Variants in CTBS observed in about 807,000 individuals in gnomAD.
The protein encoded by CTBS is di-N-acetylchitobiase.
A neutral mutation model predicts 44.3 loss-of-function variants in CTBS; 35 were observed. The ratio of observed to expected loss-of-function variants is 0.79; its 90% CI spans 0.60 to 1.05. The LOEUF (loss-of-function observed/expected upper bound fraction) is 1.05. Ranked by LOEUF, CTBS falls within the 50% of genes least tolerant of loss-of-function variation. The pLI is 0.00. For missense variants in CTBS, 458 were observed against 475.3 expected (o/e 0.96, Z 0.34); for synonymous variants, 143 against 168.0 (o/e 0.85, Z 1.15).
At position 84,550,479 on chromosome 1, in the gene CTBS, G is replaced by A; in HGVS notation, c.*4520C>T. ...CTGAGGTACAGCATGCAATTGACCAGCTTAAGAGAAAACTAGATACTGACA... is the reference window on the plus strand; with the variant it reads ...CTGAGGTACAGCATGCAATTGACCAACTTAAGAGAAAACTAGATACTGACA... On this transcript the variant is annotated 3_prime_UTR_variant, in exon 7 of 7. Transcript: ENST00000370630. 6.4e-7 allele frequency: 1 copy of A among 1,569,592 alleles called. No homozygotes were observed. The highest frequency in any genetic ancestry group is 1.4e-5 in the African/African-American group (1 of 73,196).
At chr1:84,570,440 A>G (rs779169345) in intron 2 of CTBS, 142 bp downstream of exon 2, 5 of 736,852 alleles carry the variant, frequency 6.8e-6, no homozygotes, top group African/African-American at 1.8e-5. Flanking sequence ...TGTGAAATGA[A>G]TTACACAGTA....
At chr1:84,568,682 G>A (rs538256060) in intron 3 of CTBS, among the ~76,000 whole-genome samples, 1 of 152,120 alleles carries the variant, frequency 6.6e-6, no homozygotes, top group Non-Finnish European at 1.5e-5. Flanking sequence ...CCCAATGTTG[G>A]AGGTAGGGCC....
At chr1:84,558,015 T>A (rs1258568811) in intron 6 of CTBS, among the ~76,000 whole-genome samples, 1 of 152,114 alleles carries the variant, frequency 6.6e-6, no homozygotes, top group African/African-American at 2.4e-5. Flanking sequence ...TACCAGAGGC[T>A]GGGGGTGGGA....
Position 84,574,436 on chromosome 1 carries a change from G to T in CTBS, c.-21C>A. 1 of 1,506,576 alleles carries T rather than the reference G, an allele frequency of 6.6e-7. No individual in the cohort carries two copies. Among genetic ancestry groups the T allele is most frequent in the South Asian group, 1.3e-5 (1 of 77,774 alleles). 93.3% of individuals were successfully genotyped at this position (1,506,576 alleles called of 1,614,324 possible). A position where few individuals can be genotyped will look rare whatever the true frequency, so the allele number is the denominator to read the frequency against. The stretch of plus-strand genomic sequence containing the variant: ...GACATAGCAGCAGGTCTAGCGGGCC[G>T]GAGTGGGTTCCTACCGCCTGGGTGG... On this transcript the variant is annotated 5_prime_UTR_variant, in exon 1 of 7. Transcript: ENST00000370630.
rs1235591598 is a variant in CTBS at position 84,550,183 on chromosome 1, A to T, written c.*4816T>A. ...TAATAACTAAGATATTATTCCTTTC[A>T]TAGTAATAGTTGTTGGTTTTTACGA... On this transcript the variant is annotated 3_prime_UTR_variant, in exon 7 of 7. Transcript: ENST00000370630. 3.9e-6 allele frequency: 1 copy of T among 259,158 alleles called. No homozygotes were observed. The highest frequency in any genetic ancestry group is 6.5e-5 in the East Asian group (1 of 15,290). 16.1% of individuals were successfully genotyped at this position (259,158 alleles called of 1,614,324 possible). A position where few individuals can be genotyped will look rare whatever the true frequency, so the allele number is the denominator to read the frequency against.
chr1:84,565,980 G>A lies in CTBS; in HGVS notation c.558C>T (p.Asn186=). The change falls in exon 4 of 7, where the codon AAC becomes AAT. Residue 186 remains asparagine (N), a synonymous_variant. Coordinates refer to ENST00000370630, the MANE Select transcript of CTBS (RefSeq NM_004388.3). ...VTFDVAWSPK[N]IDRRCYNYTG... Reference sequence around the variant, plus strand: ...TATAATTATAGCATCTTCTGTCTATGTTCTTTGGAGACCAAGCTACATCAA... The same window carrying A: ...TATAATTATAGCATCTTCTGTCTATATTCTTTGGAGACCAAGCTACATCAA... 1 of 1,572,932 alleles carries A rather than the reference G, an allele frequency of 6.4e-7. No homozygotes were observed. Among genetic ancestry groups the A allele is most frequent in the Middle Eastern group, 1.7e-4 (1 of 5,948 alleles).
At chr1:84,558,972 C>T (rs566585290) in intron 6 of CTBS, among the ~76,000 whole-genome samples, 1 of 152,212 alleles carries the variant, frequency 6.6e-6, no homozygotes, top group African/African-American at 2.4e-5. Flanking sequence ...TTACTAAGGT[C>T]AGGATTACAA....
chr1:84,574,157 C>T, intron 1 of CTBS, 82 bp downstream of exon 1: 1 of 1,545,734 alleles, frequency 6.5e-7, no homozygotes, highest in Non-Finnish European at 8.7e-7. Flanking sequence ...GCCCACGGCA[C>T]CTCTCCTTAG....
intron 4 of CTBS, among the ~76,000 whole-genome samples, chr1:84,564,378 CA>C (rs1684650222): frequency 6.6e-6 from 1 of 152,118 alleles, no homozygotes; most frequent in African/African-American, 2.4e-5. Flanking sequence ...CCCAATGCTG[CA>C]AAACATGTTT....
chr1:84,563,697 T>C, intron 5 of CTBS, 38 bp downstream of exon 5: 1 of 1,239,750 alleles, frequency 8.1e-7, no homozygotes, highest in Non-Finnish European at 1.1e-6. Flanking sequence ...AAAAATATAA[T>C]AGATAATAAA....
At position 84,563,663 on chromosome 1, in the gene CTBS, T is replaced by C. The variant is rs1684635635; in HGVS notation, c.795+72A>G. On this transcript the variant is annotated intron_variant, in intron 5 of 6. Transcript: ENST00000370630. The stretch of plus-strand genomic sequence containing the variant: ...TCAGAGATTCTAAAGTTTATATATT[T>C]CTAATGAAAACAGAGAGACTCTAAA... The C allele has an allele frequency of 4.3e-6, 4 of 922,158 alleles. No homozygotes were observed. The South Asian group carries it at 8.6e-5, about 20-fold the overall frequency. 57.1% of individuals were successfully genotyped at this position (922,158 alleles called of 1,614,324 possible).
At position 84,554,148 on chromosome 1, in the gene CTBS, T is replaced by C. The variant is rs993993507; in HGVS notation, c.*851A>G. 4 of 152,052 alleles carry C rather than the reference T, an allele frequency of 2.6e-5. No homozygotes were observed. Among genetic ancestry groups the C allele is most frequent in the Non-Finnish European group, 4.4e-5 (3 of 68,016 alleles). 9.4% of individuals were successfully genotyped at this position (152,052 alleles called of 1,614,324 possible). On this transcript the variant is annotated 3_prime_UTR_variant, in exon 7 of 7. Coordinates refer to ENST00000370630, the MANE Select transcript of CTBS (RefSeq NM_004388.3). ...AAATAAAAAAGATACATTGCAGATG[T>C]AGAAAGAAAAATTTAACCATGTAAG...
intron 6 of CTBS, 62 bp downstream of exon 6, chr1:84,563,195 A>G: frequency 8.8e-7 from 1 of 1,140,942 alleles, no homozygotes; most frequent in African/African-American, 1.6e-5. Flanking sequence ...TCAAACATCT[A>G]ATTATGAAAA....
At chr1:84,558,023 G>A (rs930378990) in intron 6 of CTBS, among the ~76,000 whole-genome samples, 2 of 151,956 alleles carry the variant, frequency 1.3e-5, no homozygotes, top group Non-Finnish European at 2.9e-5. Context: ...GCTGGGGGTG[G>A]GAAGAATAGA....
At position 84,570,593 on chromosome 1, in the gene CTBS, A is replaced by T; in HGVS notation, c.305T>A (p.Val102Glu). The change falls in exon 2 of 7, where the codon GTA (valine) becomes GAA (glutamate). Residue 102 changes from valine to glutamate, a missense_variant. Transcript: ENST00000370630. Reference protein sequence around the residue: ...MCYAHSKGARVVLKGDVSLKD... With the variant: ...MCYAHSKGAREVLKGDVSLKD... ...TGGAAACAACATACCTTTAAGTACT[A>T]CTCTGGCTCCTTTTGAATGAGCGTA... The T allele has an allele frequency of 6.2e-7, 1 of 1,612,748 alleles. No homozygotes were observed. The highest frequency in any genetic ancestry group is 1.1e-5 in the South Asian group (1 of 90,940).
At chr1:84,560,074 ACT>A (rs1459532810) in intron 6 of CTBS, among the ~76,000 whole-genome samples, 1 of 132,684 alleles carries the variant, frequency 7.5e-6, no homozygotes, top group African/African-American at 3.0e-5. Flanking sequence ...ACAGAGCAAG[ACT>A]CTGTCTCAAA....
rs117708211 is a variant in CTBS at position 84,569,430 on chromosome 1, G to A, written c.525+501C>T. 1.6e-4 allele frequency among the ~76,000 whole-genome samples: 25 copies of A among 152,280 alleles called. No individual in the cohort carries two copies. In the East Asian group the frequency reaches 2.1e-3, roughly 13 times the overall value. On this transcript the variant is annotated intron_variant, in intron 3 of 6. Coordinates refer to ENST00000370630, the MANE Select transcript of CTBS (RefSeq NM_004388.3). Reference sequence around the variant, plus strand: ...GTTGTCTGGCAAGATAGCTTGTGTTGTTACCTTCTGCTCTAATCATGTTCA... The same window carrying A: ...GTTGTCTGGCAAGATAGCTTGTGTTATTACCTTCTGCTCTAATCATGTTCA...
rs1684322407 is a variant in CTBS, at chr1:84,552,950, C to CA, written c.*2048dup. 1.1e-6 allele frequency: 1 copy of CA among 903,156 alleles called. No individual in the cohort carries two copies. The highest frequency in any genetic ancestry group is 1.7e-6 in the Non-Finnish European group (1 of 599,556). The allele number at this position is 903,156 out of a possible 1,614,324, so 55.9% of individuals were successfully genotyped here. On this transcript the variant is annotated 3_prime_UTR_variant, in exon 7 of 7. Coordinates refer to ENST00000370630, the MANE Select transcript of CTBS (RefSeq NM_004388.3). Reference sequence around the variant, plus strand: ...TGAGAGAAGACAGTTAAAGCGGTTACAAAAACCCTGTTTACATGACAACTA... The same window carrying CA: ...TGAGAGAAGACAGTTAAAGCGGTTACAAAAAACCCTGTTTACATGACAACTA...
rs1221375406 is a variant in CTBS at position 84,563,736 on chromosome 1, T to C, written c.794A>G (p.Glu265Gly). The change falls in exon 5 of 7, where the codon GAG becomes GGG. Residue 265 changes from glutamate (E) to glycine (G), a missense_variant and splice_region_variant. Transcript: ENST00000370630. ...GYDYTCLNLSEDHVCTIAKVP... is the reference protein window; with the variant it reads ...GYDYTCLNLSGDHVCTIAKVP... ...TATGTAACAAATGACTGTTCCTACC[T>C]CAGACAGATTCAGGCAGGTATAATC... 1.3e-6 allele frequency: 2 copies of C among 1,575,794 alleles called. No homozygotes were observed. The highest frequency in any genetic ancestry group is 1.8e-5 in the Admixed American group (1 of 56,918).
Sources: gnomAD v4.1 joint callset for allele counts (sites outside exome capture counted in the v4.1 genomes callset) on GRCh38, gnomAD v4.1.1 for gene constraint, MANE v1.5 for transcripts, NCBI Gene and HGNC (gene_info 2026-07-23, HGNC 2026-07-21) for gene names.